Variants in NCKAP5 observed in about 807,000 individuals in gnomAD.
The protein encoded by NCKAP5 is NCK associated protein 5, also known as nck-associated protein 5.
NCKAP5 carries 92 observed loss-of-function variants against 167.0 expected under a neutral mutation model. That is an observed-to-expected ratio of 0.55 (90% CI 0.47 to 0.66). NCKAP5 has a LOEUF of 0.66. Among genes scored for constraint, NCKAP5 ranks in the 30% least tolerant of loss-of-function variants. NCKAP5 has a pLI of 0.00. For missense variants in NCKAP5, 2,378 were observed against 2,315.0 expected, an observed-to-expected ratio of 1.03 and a Z score of -0.56; for synonymous variants, 891 against 877.4, an observed-to-expected ratio of 1.02 and a Z score of -0.27.
chr2:132,962,022 G>T (rs1456604114), intron 8 of NCKAP5, among the ~76,000 whole-genome samples: 1 of 152,120 alleles, frequency 6.6e-6, no homozygotes. Flanking sequence ...GGGAGACAAG[G>T]GTGATTCCTA....
intron 3 of NCKAP5, among the ~76,000 whole-genome samples, chr2:133,382,592 C>T (rs1237541230): frequency 6.6e-6 from 1 of 152,190 alleles, no homozygotes; most frequent in Non-Finnish European, 1.5e-5. Context: ...ATGCTACCTC[C>T]TCTTTCTGGA....
rs1281584465 is a variant in NCKAP5, at chr2:132,784,709, G to A, written c.2102C>T (p.Thr701Ile). The A allele has an allele frequency of 1.2e-6, 2 of 1,614,030 alleles. No homozygotes were observed. The highest frequency in any genetic ancestry group is 3.3e-5 in the Admixed American group (2 of 60,024). Residue 701 changes from threonine (T) to isoleucine (I), a missense_variant, in exon 14 of 20, where the codon ACT becomes ATT. Coordinates refer to ENST00000409261, the MANE Select transcript of NCKAP5 (RefSeq NM_207363.3). The part of the protein sequence containing the change: ...VTRNEISINS[T>I]PAGPKAEHTE... ...ATGTTCTGCCTTGGGTCCAGCAGGA[G>A]TTGAATTGATGGAAATCTCATTTCT...
intron 5 of NCKAP5, among the ~76,000 whole-genome samples, chr2:133,131,358 CA>C (rs1475436440): frequency 5.3e-5 from 8 of 152,186 alleles, no homozygotes; most frequent in Non-Finnish European, 1.5e-5. Context: ...CTCATCACTG[CA>C]TTTCCTCCCT....
intron 6 of NCKAP5, among the ~76,000 whole-genome samples, chr2:133,050,274 T>C (rs952959324): frequency 2.6e-5 from 4 of 151,690 alleles, no homozygotes; most frequent in African/African-American, 9.7e-5. Flanking sequence ...TAACTGACTG[T>C]GTATAGAAGA....
intron 5 of NCKAP5, among the ~76,000 whole-genome samples, chr2:133,207,823 G>C (rs563783727): frequency 6.6e-6 from 1 of 152,266 alleles, no homozygotes; most frequent in Non-Finnish European, 1.5e-5. Flanking sequence ...TAAGGAAGAA[G>C]AGACAAACAT....
At chr2:133,656,569 C>T in the NCKAP5 span, among the ~76,000 whole-genome samples, 11 of 152,152 alleles carry the variant, frequency 7.2e-5, no homozygotes, top group African/African-American at 2.7e-4. Flanking sequence ...CCTAACCCCT[C>T]TCCTCCTGTC....
chr2:132,926,124 G>A, intron 8 of NCKAP5: 1 of 344,270 alleles, frequency 2.9e-6, no homozygotes, highest in South Asian at 2.5e-5. Flanking sequence ...ACTTACAAGT[G>A]AGAAATTGTG....
intron 3 of NCKAP5, among the ~76,000 whole-genome samples, chr2:133,338,018 A>C (rs1307479897): frequency 1.3e-5 from 2 of 152,244 alleles, no homozygotes; most frequent in Non-Finnish European, 2.9e-5. Context: ...CATTTGAATC[A>C]AACATTCAAA....
chr2:133,532,742 T>C (rs1685465883), intron 2 of NCKAP5, among the ~76,000 whole-genome samples: 1 of 152,150 alleles, frequency 6.6e-6, no homozygotes, highest in African/African-American at 2.4e-5. Context: ...CTTTAATTTT[T>C]CCCCCTAATT....
At chr2:133,018,172 C>A (rs913360583) in intron 6 of NCKAP5, among the ~76,000 whole-genome samples, 1 of 152,106 alleles carries the variant, frequency 6.6e-6, no homozygotes, top group African/African-American at 2.4e-5. Flanking sequence ...ATATCCCAAC[C>A]CAAACAGAAT....
At chr2:133,607,769 A>G in the NCKAP5 span, among the ~76,000 whole-genome samples, 2 of 152,226 alleles carry the variant, frequency 1.3e-5, no homozygotes, top group African/African-American at 4.8e-5. Context: ...AGGCCCATGT[A>G]TCTCAGACAA....
At chr2:133,634,548 C>T in the NCKAP5 span, among the ~76,000 whole-genome samples, 20 of 152,206 alleles carry the variant, frequency 1.3e-4, no homozygotes, top group African/African-American at 4.8e-4. Flanking sequence ...TTCCACTTGA[C>T]ACTTAAAATT....
chr2:133,515,089 A>T lies in NCKAP5; in HGVS notation c.69+2369T>A, dbSNP rs142881990. 7.8e-3 allele frequency among the ~76,000 whole-genome samples: 1,193 copies of T among 152,218 alleles called. 6 individuals carry two copies. Among genetic ancestry groups the T allele is most frequent in the African/African-American group, 0.028 (1,142 of 41,520 alleles). ...GTGTGGCTTCAGCATAAAGCTGAAG[A>T]AGAGGGCAACATCTTGAGTTCAGAT... On this transcript the variant is annotated intron_variant, in intron 3 of 19. Transcript: ENST00000409261.
chr2:132,684,733 GT>G (rs2105069507), intron 19 of NCKAP5, among the ~76,000 whole-genome samples: 1 of 152,260 alleles, frequency 6.6e-6, no homozygotes, highest in Admixed American at 6.5e-5. Flanking sequence ...AATGCAAGAT[GT>G]TGTGTGACAT....
chr2:133,138,676 CTTATAATT>C (rs1367567665), intron 5 of NCKAP5, among the ~76,000 whole-genome samples: 1 of 152,130 alleles, frequency 6.6e-6, no homozygotes, highest in Non-Finnish European at 1.5e-5. Context: ...GTAGTAAGTT[CTTATAATT>C]TTATGTTGCC....
chr2:133,010,883 A>C (rs2078135639), intron 6 of NCKAP5, among the ~76,000 whole-genome samples: 1 of 152,254 alleles, frequency 6.6e-6, no homozygotes, highest in African/African-American at 2.4e-5. Context: ...AAAAGAAAAA[A>C]GCAAGGATAC....
chr2:132,911,018 G>T, intron 8 of NCKAP5: 1 of 182,246 alleles, frequency 5.5e-6, no homozygotes, highest in Admixed American at 5.4e-5. Flanking sequence ...GATATTCCGT[G>T]CCATGTTGTC....
intron 6 of NCKAP5, among the ~76,000 whole-genome samples, chr2:132,999,370 C>T (rs1405390894): frequency 6.6e-6 from 1 of 152,126 alleles, no homozygotes; most frequent in Non-Finnish European, 1.5e-5. Flanking sequence ...ATCAGTGAGC[C>T]ATTTTAACTA....
chr2:133,034,352 A>C (rs1436970016), intron 6 of NCKAP5, among the ~76,000 whole-genome samples: 1 of 152,198 alleles, frequency 6.6e-6, no homozygotes, highest in African/African-American at 2.4e-5. Context: ...GGCCTGTCCT[A>C]CAAGAAATGC....
Sources: allele counts gnomAD v4.1 joint callset (sites outside exome capture counted in the v4.1 genomes callset), GRCh38; gene constraint gnomAD v4.1.1; transcripts MANE v1.5; gene names NCBI Gene and HGNC (gene_info 2026-07-23, HGNC 2026-07-21).